The following MACROD2 variants were observed in gnomAD, a reference collection of about 807,000 sequenced individuals.
The protein encoded by MACROD2 is ADP-ribose glycohydrolase MACROD2.
A neutral mutation model predicts 70.4 loss-of-function variants in MACROD2; 36 were observed. That is an observed-to-expected ratio of 0.51 (90% CI 0.39 to 0.68). The LOEUF (loss-of-function observed/expected upper bound fraction) is 0.68. Ranked by LOEUF, MACROD2 falls within the 30% of genes least tolerant of loss-of-function variation. The pLI is 0.00. For missense variants in MACROD2, 496 were observed against 538.4 expected (o/e 0.92, Z 0.78); for synonymous variants, 172 against 178.8 (o/e 0.96, Z 0.30).
chr20:14,924,975 G>T (rs2074211764), intron 5 of MACROD2, among the ~76,000 whole-genome samples: 1 of 151,804 alleles, frequency 6.6e-6, no homozygotes. Context: ...TTTAAAGATT[G>T]GGTTAAATAT....
intron 12 of MACROD2, among the ~76,000 whole-genome samples, chr20:15,959,936 G>T (rs2066035967): frequency 6.6e-6 from 1 of 152,186 alleles, no homozygotes; most frequent in African/African-American, 2.4e-5. Context: ...CACAAAGTGA[G>T]TTAGACTATT....
intron 4 of MACROD2, among the ~76,000 whole-genome samples, chr20:14,616,088 G>A (rs936928508): frequency 1.3e-5 from 2 of 152,098 alleles, no homozygotes; most frequent in Admixed American, 6.6e-5. Flanking sequence ...GTGCATGAAG[G>A]TAGATTACTC....
chr20:15,972,191 G>A (rs2066242033), intron 13 of MACROD2, among the ~76,000 whole-genome samples: 1 of 150,394 alleles, frequency 6.6e-6, no homozygotes, highest in African/African-American at 2.5e-5. Flanking sequence ...ATAAGTGACT[G>A]AGGGGAAAAA....
chr20:14,182,246 G>A (rs2081310826), intron 3 of MACROD2, among the ~76,000 whole-genome samples: 1 of 152,134 alleles, frequency 6.6e-6, no homozygotes, highest in South Asian at 2.1e-4. Context: ...AGGATGAAGA[G>A]CATCTTTTCA....
chr20:14,033,633 C>T (rs1225712110), intron 2 of MACROD2, among the ~76,000 whole-genome samples: 5 of 152,134 alleles, frequency 3.3e-5, no homozygotes, highest in Non-Finnish European at 5.9e-5. Flanking sequence ...GAGAAAGAAT[C>T]AAACAGTACA....
intron 4 of MACROD2, among the ~76,000 whole-genome samples, chr20:14,670,349 C>G (rs887348795): frequency 2.6e-5 from 4 of 152,076 alleles, no homozygotes; most frequent in Non-Finnish European, 4.4e-5. Flanking sequence ...CTGGTGAAAA[C>G]TGACAGAATC....
intron 6 of MACROD2, among the ~76,000 whole-genome samples, chr20:15,237,557 G>A (rs567571980): frequency 1.3e-5 from 2 of 152,074 alleles, no homozygotes; most frequent in Admixed American, 1.3e-4. Context: ...CTTCCCTTGG[G>A]AACAGACCCT....
intron 2 of MACROD2, among the ~76,000 whole-genome samples, chr20:14,003,221 A>G (rs2148610601): frequency 6.6e-6 from 1 of 152,308 alleles, no homozygotes; most frequent in Admixed American, 6.5e-5. Flanking sequence ...GGCCCAGAAT[A>G]AAGACTAGCA....
intron 5 of MACROD2, among the ~76,000 whole-genome samples, chr20:15,090,534 A>G (rs999559424): frequency 2.0e-5 from 3 of 152,134 alleles, no homozygotes; most frequent in Non-Finnish European, 4.4e-5. Context: ...ATGTGGCACA[A>G]ACACATTTAC....
intron 16 of MACROD2, among the ~76,000 whole-genome samples, chr20:16,043,415 C>T (rs971549797): frequency 1.3e-5 from 2 of 152,058 alleles, no homozygotes; most frequent in Admixed American, 6.6e-5. Flanking sequence ...AGAATTCTAT[C>T]ATTATATATG....
intron 15 of MACROD2, among the ~76,000 whole-genome samples, chr20:16,024,858 A>G (rs1012416354): frequency 2.6e-5 from 4 of 152,270 alleles, no homozygotes; most frequent in Non-Finnish European, 4.4e-5. Flanking sequence ...TTCTATAAAA[A>G]GAAAGAAATT....
chr20:14,909,123 G>A lies in MACROD2; in HGVS notation c.418+224164G>A, dbSNP rs956113761. Among the ~76,000 whole-genome samples, 11 of 152,258 alleles carry A rather than the reference G, an allele frequency of 7.2e-5. 1 individual carries two copies. Among genetic ancestry groups the A allele is most frequent in the Middle Eastern group, 3.4e-3 (1 of 292 alleles). On this transcript the variant is annotated intron_variant, in intron 5 of 17. Transcript: ENST00000684519. ...GATGAGATCTTAGTGGTGAAAGAGC[G>A]TAAATTAAGAAGAGTTAGAGGCATC...
intron 10 of MACROD2, among the ~76,000 whole-genome samples, chr20:15,904,515 C>T (rs1412437498): frequency 6.6e-6 from 1 of 151,878 alleles, no homozygotes; most frequent in Non-Finnish European, 1.5e-5. Flanking sequence ...TGTCTTGTTG[C>T]TTTTCAATAA....
chr20:15,486,391 T>C (rs368960707), intron 7 of MACROD2, among the ~76,000 whole-genome samples: 1 of 152,136 alleles, frequency 6.6e-6, no homozygotes, highest in African/African-American at 2.4e-5. Flanking sequence ...ACTAAGCAAA[T>C]AAGATACATT....
At chr20:15,311,593 C>G (rs146269296) in intron 6 of MACROD2, among the ~76,000 whole-genome samples, 6 of 152,284 alleles carry the variant, frequency 3.9e-5, no homozygotes, top group African/African-American at 1.4e-4. Flanking sequence ...CCATAGAATA[C>G]TATGGAGCCA....
intron 4 of MACROD2, among the ~76,000 whole-genome samples, chr20:14,544,035 C>T (rs563163112): frequency 7.0e-4 from 106 of 152,242 alleles, no homozygotes; most frequent in African/African-American, 2.5e-3. Flanking sequence ...GACATTATCC[C>T]TGCTCTAAAG....
chr20:14,382,055 G>T lies in MACROD2; in HGVS notation c.272-111424G>T, dbSNP rs144054045. Among the ~76,000 whole-genome samples the T allele has an allele frequency of 8.8e-3, 1,181 of 133,480 alleles. 14 individuals are homozygous for T. The highest frequency in any genetic ancestry group is 0.031 in the African/African-American group (1,123 of 36,264). 87.6% of individuals were successfully genotyped at this position (133,480 alleles called of 152,430 possible). ...TTTGGTACCACATATACTATAATGG[G>T]ATTGATTTTTTTTTTTTTTTTTTTG... is the stretch of plus-strand genomic sequence containing the variant. On this transcript the variant is annotated intron_variant, in intron 3 of 17. Coordinates refer to ENST00000684519, the MANE Select transcript of MACROD2 (RefSeq NM_001351661.2).
chr20:14,981,724 TG>T (rs1262021040), intron 5 of MACROD2, among the ~76,000 whole-genome samples: 3 of 152,148 alleles, frequency 2.0e-5, no homozygotes, highest in Non-Finnish European at 2.9e-5. Flanking sequence ...CCACCATGAT[TG>T]TGAGGCCTCC....
chr20:15,320,622 G>A (rs112623629), intron 6 of MACROD2, among the ~76,000 whole-genome samples: 21 of 152,234 alleles, frequency 1.4e-4, no homozygotes, highest in African/African-American at 5.1e-4. Context: ...ATAAACAGGT[G>A]CATTAATGAA....
Sources: allele counts gnomAD v4.1 joint callset (sites outside exome capture counted in the v4.1 genomes callset), GRCh38; gene constraint gnomAD v4.1.1; transcripts MANE v1.5; gene names NCBI Gene and HGNC (gene_info 2026-07-23, HGNC 2026-07-21).